BCL2L13: variants seen among roughly 807,000 people sequenced by gnomAD.
BCL2L13 encodes the protein BCL2 like 13.
Under a neutral mutation model 25.8 loss-of-function variants are expected in BCL2L13, and 13 were observed. That is an observed-to-expected ratio of 0.50 (90% CI 0.33 to 0.80). BCL2L13 has a LOEUF of 0.80. BCL2L13 is among the 30% of genes least tolerant of loss of function. The probability of loss-of-function intolerance (pLI) is 0.02; values close to 1 mark genes in which losing one functional copy is unlikely to be tolerated. For missense variants in BCL2L13, 504 were observed against 574.9 expected (o/e 0.88, Z 1.26); for synonymous variants, 244 against 230.3 (o/e 1.06, Z -0.54).
In BCL2L13 at chr22:17,656,335, C is replaced by CTTTTTTTT. The variant is rs890631679; in HGVS notation, c.121+529_121+536dup. ...CAAAAGTATTTTTTTTCATTTTATT[C>CTTTTTTTT]TTTTTTTTTTTTTTTTTTTTTTTTT... On this transcript the variant is annotated intron_variant, in intron 2 of 6. Coordinates refer to ENST00000317582, the MANE Select transcript of BCL2L13 (RefSeq NM_015367.4). 4.1e-3 allele frequency among the ~76,000 whole-genome samples: 239 copies of CTTTTTTTT among 57,904 alleles called. 13 individuals are homozygous for CTTTTTTTT. Among genetic ancestry groups the CTTTTTTTT allele is most frequent in the East Asian group, 7.9e-3 (9 of 1,142 alleles). The allele number at this position is 57,904 out of a possible 152,430, so 38.0% of individuals were successfully genotyped here.
chr22:17,638,690 C>G, upstream of BCL2L13: 1 of 1,231,694 alleles, frequency 8.1e-7, no homozygotes, highest in Non-Finnish European at 1.0e-6. Context: ...GGATACCGTT[C>G]CGGATGTCAG....
In BCL2L13 at chr22:17,659,711, A is replaced by G. The variant is rs186892523; in HGVS notation, c.121+3879A>G. ...AACAAGAAACAAACCTGAAATGATG[A>G]CAAGCAACAACAAAGTGGATTTCCA... On this transcript the variant is annotated intron_variant, in intron 2 of 6. Coordinates refer to ENST00000317582, the MANE Select transcript of BCL2L13 (RefSeq NM_015367.4). Among the ~76,000 whole-genome samples, 153 of 146,158 alleles carry G rather than the reference A, an allele frequency of 1.0e-3. 24 individuals carry two copies. The highest frequency in any genetic ancestry group is 2.1e-3 in the Non-Finnish European group (136 of 64,204).
At chr22:17,706,681 G>A in intron 6 of BCL2L13, 1 of 1,327,346 alleles carries the variant, frequency 7.5e-7, no homozygotes, top group Non-Finnish European at 9.9e-7. Flanking sequence ...GCAGCCCGGT[G>A]AGGGCACAGA....
At chr22:17,680,971 C>T (rs977382736) in intron 2 of BCL2L13, among the ~76,000 whole-genome samples, 4 of 151,872 alleles carry the variant, frequency 2.6e-5, no homozygotes, top group African/African-American at 4.8e-5. Flanking sequence ...TCACTGAGAA[C>T]GTATGGAAAA....
At chr22:17,714,134 A>C (rs574010035) in intron 6 of BCL2L13, among the ~76,000 whole-genome samples, 1 of 152,186 alleles carries the variant, frequency 6.6e-6, no homozygotes, top group South Asian at 2.1e-4. Context: ...TCTACTAAAA[A>C]TACAAAAAGT....
At chr22:17,656,280 G>A (rs1257573554) in intron 2 of BCL2L13, among the ~76,000 whole-genome samples, 9 of 140,722 alleles carry the variant, frequency 6.4e-5, no homozygotes, top group African/African-American at 2.4e-4. Context: ...AACCCGTTAT[G>A]CCATTCTTTC....
At chr22:17,684,825 T>C (rs1022910819) in intron 3 of BCL2L13, 39 of 337,920 alleles carry the variant, frequency 1.2e-4, no homozygotes, top group African/African-American at 4.0e-4. Context: ...CTCCGCCTCC[T>C]GGGTTCAGGC....
chr22:17,678,704 C>T (rs778871060), intron 2 of BCL2L13, among the ~76,000 whole-genome samples: 4 of 152,170 alleles, frequency 2.6e-5, no homozygotes, highest in Non-Finnish European at 5.9e-5. Context: ...TGCTGTTGTC[C>T]TGCCCTTCCT....
chr22:17,685,665 G>A (rs2059905108), intron 3 of BCL2L13, among the ~76,000 whole-genome samples: 1 of 141,468 alleles, frequency 7.1e-6, no homozygotes, highest in Admixed American at 7.2e-5. Context: ...AATTTAGGTT[G>A]TTTCTACTTG....
intron 2 of BCL2L13, among the ~76,000 whole-genome samples, chr22:17,664,224 A>G (rs1568944508): frequency 6.6e-6 from 1 of 152,040 alleles, no homozygotes; most frequent in Non-Finnish European, 1.5e-5. Context: ...ACCTCAGGTG[A>G]TCCAGCTGCC....
At chr22:17,631,706 A>ATATATATATT (rs1568904043) in intron 1 of BCL2L13, among the ~76,000 whole-genome samples, 3 of 10,932 alleles carry the variant, frequency 2.7e-4, no homozygotes, top group Non-Finnish European at 5.2e-4. Context: ...ATATATATAT[A>ATATATATATT]TTTTTTTTTT....
intron 1 of BCL2L13, among the ~76,000 whole-genome samples, chr22:17,643,320 G>A (rs1022222929): frequency 6.6e-6 from 1 of 151,444 alleles, no homozygotes; most frequent in African/African-American, 2.4e-5. Flanking sequence ...CTCTTGTGAG[G>A]TCTTCACTCC....
chr22:17,631,658 ATGTGTGTGTG>A (rs77231205), intron 1 of BCL2L13, among the ~76,000 whole-genome samples: 18 of 38,936 alleles, frequency 4.6e-4, no homozygotes, highest in African/African-American at 2.4e-3. Context: ...GTGTGTATGT[ATGTGTGTGTG>A]TGTATATATA....
At chr22:17,706,839 T>A (rs759823355) in intron 6 of BCL2L13, 3 of 1,351,680 alleles carry the variant, frequency 2.2e-6, no homozygotes, top group Admixed American at 1.9e-5. Flanking sequence ...AGGCTTGTAT[T>A]TTACTTTCTC....
intron 5 of BCL2L13, among the ~76,000 whole-genome samples, chr22:17,699,644 A>G (rs1267326174): frequency 6.6e-6 from 1 of 152,232 alleles, no homozygotes; most frequent in Non-Finnish European, 1.5e-5. Flanking sequence ...GAAAGAATCA[A>G]AGATAAAACT....
intron 5 of BCL2L13, 39 bp from the exon 6 acceptor site, chr22:17,702,204 T>A (rs936263979): frequency 5.3e-6 from 8 of 1,506,948 alleles, no homozygotes; most frequent in Non-Finnish European, 7.2e-6. Flanking sequence ...TTATAAGAAT[T>A]TCAGTGTGGT....
At chr22:17,687,585 C>T (rs1350795900) in intron 3 of BCL2L13, among the ~76,000 whole-genome samples, 4 of 151,970 alleles carry the variant, frequency 2.6e-5, no homozygotes, top group African/African-American at 9.7e-5. Context: ...GTCGCAGTCT[C>T]GGCCTACTGC....
At chr22:17,679,239 G>A (rs1051364073) in intron 2 of BCL2L13, among the ~76,000 whole-genome samples, 11 of 148,104 alleles carry the variant, frequency 7.4e-5, no homozygotes, top group African/African-American at 2.8e-4. Flanking sequence ...TGTGGATTCT[G>A]CTGCATATGT....
At chr22:17,710,896 AAAAAT>A (rs1252119085) in intron 6 of BCL2L13, among the ~76,000 whole-genome samples, 5 of 152,102 alleles carry the variant, frequency 3.3e-5, no homozygotes, top group Non-Finnish European at 7.4e-5. Flanking sequence ...AAAAATAAAA[AAAAAT>A]AAATAAATAA....
Sources: gnomAD v4.1 joint callset for allele counts (sites outside exome capture counted in the v4.1 genomes callset) on GRCh38, gnomAD v4.1.1 for gene constraint, MANE v1.5 for transcripts, NCBI Gene and HGNC (gene_info 2026-07-23, HGNC 2026-07-21) for gene names.